The following PAPOLG variants were observed in gnomAD, a reference collection of about 807,000 sequenced individuals.
PAPOLG encodes the protein poly(A) polymerase gamma.
In PAPOLG, 40 loss-of-function variants were observed where a neutral mutation model predicts 99.0. That is an observed-to-expected ratio of 0.40 (90% CI 0.31 to 0.53). The LOEUF (loss-of-function observed/expected upper bound fraction) is 0.53. PAPOLG is among the 20% of genes least tolerant of loss of function. The pLI is 0.41. For missense variants in PAPOLG, 675 were observed against 884.1 expected, an observed-to-expected ratio of 0.76 and a Z score of 3.00; for synonymous variants, 310 against 299.3, an observed-to-expected ratio of 1.04 and a Z score of -0.37.
At chr2:60,776,381 G>T (rs938717933) in intron 8 of PAPOLG, among the ~76,000 whole-genome samples, 1 of 150,920 alleles carries the variant, frequency 6.6e-6, no homozygotes, top group Admixed American at 6.6e-5. Flanking sequence ...TCTTAAGGGC[G>T]CTGGGATTTT....
intron 3 of PAPOLG, among the ~76,000 whole-genome samples, chr2:60,766,470 C>G (rs1670678095): frequency 6.6e-6 from 1 of 152,038 alleles, no homozygotes; most frequent in African/African-American, 2.4e-5. Flanking sequence ...TTGAGACCAG[C>G]CTGGGCAAAA....
At chr2:60,768,182 A>G (rs1291932611) in intron 3 of PAPOLG, among the ~76,000 whole-genome samples, 1 of 152,002 alleles carries the variant, frequency 6.6e-6, no homozygotes, top group Non-Finnish European at 1.5e-5. Context: ...GGCCGCTGCA[A>G]CCTCCACCTC....
At position 60,770,340 on chromosome 2, in the gene PAPOLG, G is replaced by T. The variant is rs1165840426; in HGVS notation, c.439-118G>T. 4 of 750,700 alleles carry T rather than the reference G, an allele frequency of 5.3e-6. No homozygotes were observed. In the East Asian group the frequency reaches 1.3e-4, roughly 24 times the overall value. 46.5% of individuals were successfully genotyped at this position (750,700 alleles called of 1,614,324 possible). On this transcript the variant is annotated intron_variant, in intron 5 of 21. Coordinates refer to ENST00000238714, the MANE Select transcript of PAPOLG (RefSeq NM_022894.4). Reference sequence around the variant, plus strand: ...TGGTAGTTAGAAAGGATAAAGAAGGGATTACTTCTATGTGGTTAAAATACA... The same window carrying T: ...TGGTAGTTAGAAAGGATAAAGAAGGTATTACTTCTATGTGGTTAAAATACA...
intron 6 of PAPOLG, 34 bp downstream of exon 6, chr2:60,770,545 G>C: frequency 2.2e-6 from 3 of 1,383,876 alleles, no homozygotes; most frequent in Non-Finnish European, 3.0e-6. Flanking sequence ...CTTTACAATT[G>C]AACTGTTTAA....
chr2:60,799,388 A>G lies in PAPOLG; in HGVS notation c.*2228A>G, dbSNP rs767517356. ...CAACATTAGAGTCCTCAAAGATAGC[A>G]TTCTTCAACCTGTTTGGTAACTGAG... On this transcript the variant is annotated 3_prime_UTR_variant, in exon 22 of 22. Transcript: ENST00000238714. 3.9e-5 allele frequency: 6 copies of G among 152,390 alleles called. No homozygotes were observed. Among genetic ancestry groups the G allele is most frequent in the Non-Finnish European group, 7.3e-5 (5 of 68,042 alleles). 9.4% of individuals were successfully genotyped at this position (152,390 alleles called of 1,614,324 possible).
At chr2:60,766,784 G>C (rs577890956) in intron 3 of PAPOLG, among the ~76,000 whole-genome samples, 1 of 152,246 alleles carries the variant, frequency 6.6e-6, no homozygotes, top group Non-Finnish European at 1.5e-5. Flanking sequence ...GTTGGATTCT[G>C]TAACCATGTT....
intron 7 of PAPOLG, among the ~76,000 whole-genome samples, chr2:60,774,171 T>C (rs952674372): frequency 1.3e-5 from 2 of 151,978 alleles, no homozygotes; most frequent in Non-Finnish European, 2.9e-5. Flanking sequence ...CTCGGCTCAC[T>C]GCAAACTCCG....
intron 9 of PAPOLG, 106 bp from the exon 10 acceptor site, chr2:60,780,601 C>T (rs1671158476): frequency 8.3e-7 from 1 of 1,198,854 alleles, no homozygotes; most frequent in South Asian, 1.4e-5. Context: ...ACCAAATACC[C>T]AGAACATTCA....
chr2:60,780,849 G>C, intron 10 of PAPOLG, 70 bp downstream of exon 10: 1 of 1,159,504 alleles, frequency 8.6e-7, no homozygotes, highest in South Asian at 1.2e-5. Flanking sequence ...TTACAGTCTA[G>C]TTAAAGATAG....
intron 14 of PAPOLG, 151 bp from the exon 15 acceptor site, chr2:60,787,360 C>G (rs1029326526): frequency 3.0e-6 from 3 of 1,008,798 alleles, no homozygotes; most frequent in East Asian, 2.6e-5. Flanking sequence ...CTTACCAGTT[C>G]TGGATGTCAC....
intron 3 of PAPOLG, among the ~76,000 whole-genome samples, chr2:60,763,899 T>A (rs1190072573): frequency 6.6e-6 from 1 of 151,892 alleles, no homozygotes; most frequent in Non-Finnish European, 1.5e-5. Flanking sequence ...CACCCCTGTG[T>A]TCAAGCAGTT....
At chr2:60,794,342 T>G (rs1157445012) in intron 19 of PAPOLG, 151 bp downstream of exon 19, 1 of 827,546 alleles carries the variant, frequency 1.2e-6, no homozygotes, top group Non-Finnish European at 1.8e-6. Context: ...TAATTGCTCA[T>G]CCTAAATTGA....
intron 21 of PAPOLG, among the ~76,000 whole-genome samples, chr2:60,795,861 C>T (rs112941213): frequency 2.0e-5 from 3 of 151,706 alleles, no homozygotes; most frequent in South Asian, 2.1e-4. Flanking sequence ...AAAATATGAA[C>T]GTATAATTAT....
chr2:60,795,340 T>C (rs918079198), intron 21 of PAPOLG: 11 of 503,594 alleles, frequency 2.2e-5, no homozygotes, highest in Non-Finnish European at 3.5e-5. Context: ...CCTGGAGGTA[T>C]ATCTCTGTTG....
intron 3 of PAPOLG, among the ~76,000 whole-genome samples, chr2:60,766,437 G>T (rs1298100333): frequency 6.6e-6 from 1 of 152,104 alleles, no homozygotes; most frequent in East Asian, 1.9e-4. Flanking sequence ...GCTGAGACAG[G>T]AGGATCGCTT....
At chr2:60,768,989 A>T (rs961632624) in intron 5 of PAPOLG, 99 bp downstream of exon 5, 3 of 848,438 alleles carry the variant, frequency 3.5e-6, no homozygotes, top group Non-Finnish European at 5.3e-6. Context: ...CTAAGTTACT[A>T]TTAGGAGGTA....
chr2:60,797,267 TGACAG>T lies in PAPOLG; in HGVS notation c.*108_*112del. 1 of 1,391,896 alleles carries T rather than the reference TGACAG, an allele frequency of 7.2e-7. No individual in the cohort carries two copies. The highest frequency in any genetic ancestry group is 1.0e-6 in the Non-Finnish European group (1 of 997,058). 86.2% of individuals were successfully genotyped at this position (1,391,896 alleles called of 1,614,324 possible). ...TGTCATACGTGAAATAAGGTGAAAG[TGACAG>T]CCTTCAGTCTAATAACCTTGAAGTG... On this transcript the variant is annotated 3_prime_UTR_variant, in exon 22 of 22. Coordinates refer to ENST00000238714, the MANE Select transcript of PAPOLG (RefSeq NM_022894.4).
chr2:60,782,653 C>CTTTTTTTTT (rs747526129), intron 11 of PAPOLG, 33 bp from the exon 12 acceptor site: 128 of 1,065,926 alleles, frequency 1.2e-4, no homozygotes, highest in South Asian at 4.3e-4. Context: ...CATTCTTCTT[C>CTTTTTTTTT]TTTTTTTTTT....
chr2:60,771,687 G>T, intron 7 of PAPOLG, 57 bp downstream of exon 7: 1 of 1,549,506 alleles, frequency 6.5e-7, no homozygotes, highest in Non-Finnish European at 8.7e-7. Flanking sequence ...GAGAAATATA[G>T]ATATTTTTGC....
Sources: allele counts gnomAD v4.1 joint callset (sites outside exome capture counted in the v4.1 genomes callset), GRCh38; gene constraint gnomAD v4.1.1; transcripts MANE v1.5; gene names NCBI Gene and HGNC (gene_info 2026-07-23, HGNC 2026-07-21).